The following GNAT3 variants were observed in gnomAD, a reference collection of about 807,000 sequenced individuals.
GNAT3 encodes the protein guanine nucleotide-binding protein G(t) subunit alpha-3.
In GNAT3, 31 loss-of-function variants were observed where a neutral mutation model predicts 37.7. That is an observed-to-expected ratio of 0.82 (90% confidence interval 0.62 to 1.11). The LOEUF is 1.11. Among genes scored for constraint, GNAT3 ranks in the 50% most tolerant of loss-of-function variants. The pLI, the probability that GNAT3 is intolerant of heterozygous loss-of-function variation, is 0.00. For synonymous variants in GNAT3, 138 were observed against 139.8 expected, an observed-to-expected ratio of 0.99 and a Z score of 0.09; for missense variants, 437 against 412.5, an observed-to-expected ratio of 1.06 and a Z score of -0.51.
At chr7:80,474,407 TGTGTATATATA>T in intron 4 of GNAT3, 28 bp from the exon 5 acceptor site, 1 of 1,135,812 alleles carries the variant, frequency 8.8e-7, no homozygotes, top group Non-Finnish European at 1.3e-6. Flanking sequence ...AAATTATATA[TGTGTATATATA>T]ATACATAAAT....
intron 4 of GNAT3, among the ~76,000 whole-genome samples, 166 bp downstream of exon 4, chr7:80,478,675 C>T (rs1790343048): frequency 1.3e-5 from 2 of 152,124 alleles, no homozygotes; most frequent in South Asian, 2.1e-4. Flanking sequence ...CTCATTATGT[C>T]ACCTTGTTCA....
intron 5 of GNAT3, among the ~76,000 whole-genome samples, chr7:80,464,437 T>C (rs972697159): frequency 2.6e-5 from 4 of 152,024 alleles, no homozygotes; most frequent in Non-Finnish European, 5.9e-5. Context: ...CAGCAGTGGA[T>C]TTACTGGTCC....
chr7:80,509,150 G>A (rs1394858690), intron 1 of GNAT3, among the ~76,000 whole-genome samples: 1 of 152,048 alleles, frequency 6.6e-6, no homozygotes, highest in African/African-American at 2.4e-5. Context: ...GTTCAACTAA[G>A]CACTTTTATA....
chr7:80,500,014 C>G (rs982161688), intron 1 of GNAT3, among the ~76,000 whole-genome samples: 2 of 152,044 alleles, frequency 1.3e-5, no homozygotes, highest in Admixed American at 6.6e-5. Context: ...CTCCTTTACT[C>G]CTTTCTTGTG....
intron 4 of GNAT3, among the ~76,000 whole-genome samples, chr7:80,477,175 C>A (rs951585881): frequency 1.3e-5 from 2 of 151,948 alleles, no homozygotes; most frequent in African/African-American, 4.8e-5. Flanking sequence ...CAATAAAATG[C>A]CATTTATTTG....
At chr7:80,474,096 G>A (rs1790263518) in intron 5 of GNAT3, among the ~76,000 whole-genome samples, 155 bp downstream of exon 5, 1 of 152,120 alleles carries the variant, frequency 6.6e-6, no homozygotes, top group Non-Finnish European at 1.5e-5. Flanking sequence ...GCTATAGAAG[G>A]ACAGTAAAGG....
chr7:80,480,854 G>T, intron 3 of GNAT3, among the ~76,000 whole-genome samples: 1 of 152,052 alleles, frequency 6.6e-6, no homozygotes, highest in East Asian at 2.0e-4. Flanking sequence ...ATCTTGTGCC[G>T]ACCTCCTTAT....
chr7:80,474,635 G>T (rs949101291), intron 4 of GNAT3, among the ~76,000 whole-genome samples: 3 of 152,128 alleles, frequency 2.0e-5, no homozygotes, highest in Non-Finnish European at 4.4e-5. Context: ...GTTGCAGAAT[G>T]CAGAGTGCTG....
intron 7 of GNAT3, among the ~76,000 whole-genome samples, chr7:80,460,091 G>A (rs1011713730): frequency 6.6e-6 from 1 of 152,138 alleles, no homozygotes; most frequent in Non-Finnish European, 1.5e-5. Flanking sequence ...TCCTTCTGTA[G>A]CTGAAAGGAT....
chr7:80,472,596 A>G (rs1790238744), intron 5 of GNAT3, among the ~76,000 whole-genome samples: 1 of 152,146 alleles, frequency 6.6e-6, no homozygotes, highest in African/African-American at 2.4e-5. Flanking sequence ...GAGAGTGATC[A>G]TTTTTGAGAC....
intron 5 of GNAT3, among the ~76,000 whole-genome samples, chr7:80,472,080 G>A (rs1265635116): frequency 1.3e-5 from 2 of 151,872 alleles, no homozygotes; most frequent in Non-Finnish European, 2.9e-5. Context: ...GATAGAAACA[G>A]AAACAAAAAG....
At chr7:80,471,894 A>G (rs1790227295) in intron 5 of GNAT3, among the ~76,000 whole-genome samples, 1 of 152,048 alleles carries the variant, frequency 6.6e-6, no homozygotes, top group Non-Finnish European at 1.5e-5. Context: ...CACTCAGCTC[A>G]TGGTGTTACT....
chr7:80,466,869 T>C (rs1028218025), intron 5 of GNAT3, among the ~76,000 whole-genome samples: 5 of 152,142 alleles, frequency 3.3e-5, no homozygotes, highest in Non-Finnish European at 5.9e-5. Context: ...CCTCTTCTGA[T>C]AAATATGTAC....
chr7:80,464,754 G>C (rs761211268), intron 5 of GNAT3, among the ~76,000 whole-genome samples: 2 of 151,942 alleles, frequency 1.3e-5, no homozygotes, highest in Non-Finnish European at 2.9e-5. Context: ...ATAATCAAAA[G>C]TACAATATAT....
intron 1 of GNAT3, among the ~76,000 whole-genome samples, chr7:80,502,698 G>C (rs530268301): frequency 5.8e-4 from 88 of 151,080 alleles, no homozygotes; most frequent in Non-Finnish European, 1.1e-3. Flanking sequence ...ATATCCATTT[G>C]GTCCTGCTAA....
At chr7:80,463,541 C>G (rs1051992768) in intron 5 of GNAT3, among the ~76,000 whole-genome samples, 2 of 151,996 alleles carry the variant, frequency 1.3e-5, no homozygotes, top group South Asian at 2.1e-4. Flanking sequence ...CATAAAGAAG[C>G]CTCCTGGAGC....
rs201260880 is a variant in GNAT3, at chr7:80,492,364, TAAATA to T, written c.161+2236_161+2240del. 5.3e-3 allele frequency among the ~76,000 whole-genome samples: 804 copies of T among 151,486 alleles called. 30 individuals carry two copies. Among genetic ancestry groups the T allele is most frequent in the Admixed American group, 0.047 (717 of 15,166 alleles). On this transcript the variant is annotated intron_variant, in intron 2 of 7. Coordinates refer to ENST00000398291, the MANE Select transcript of GNAT3 (RefSeq NM_001102386.3). ...TTCTCAAATAAATAAATTAAATAAA[TAAATA>T]AAATAAAATAAAAAATAAAATGTTA...
At chr7:80,468,975 TACTA>T (rs1307520764) in intron 5 of GNAT3, among the ~76,000 whole-genome samples, 5 of 152,144 alleles carry the variant, frequency 3.3e-5, no homozygotes, top group Non-Finnish European at 4.4e-5. Context: ...ATTTTGGTAA[TACTA>T]ACCATAAACA....
intron 2 of GNAT3, among the ~76,000 whole-genome samples, chr7:80,493,637 TTCC>T (rs369988644): frequency 0.01 from 874 of 85,320 alleles, 27 homozygotes; most frequent in African/African-American, 0.067. Flanking sequence ...CTCCTCCTCT[TTCC>T]TCCTCCTCCT....
Sources: allele counts gnomAD v4.1 joint callset (sites outside exome capture counted in the v4.1 genomes callset), GRCh38; gene constraint gnomAD v4.1.1; transcripts MANE v1.5; gene names NCBI Gene and HGNC (gene_info 2026-07-23, HGNC 2026-07-21).